PRKCI: variants seen among roughly 807,000 people sequenced by gnomAD.
PRKCI encodes protein kinase C iota.
In PRKCI, 43 loss-of-function variants were observed where a neutral mutation model predicts 84.0. That is an observed-to-expected ratio of 0.51 (90% CI 0.40 to 0.66). The LOEUF (loss-of-function observed/expected upper bound fraction) is 0.66. Among genes scored for constraint, PRKCI ranks in the 30% least tolerant of loss-of-function variants. The pLI, the probability that PRKCI is intolerant of heterozygous loss-of-function variation, is 0.00. For synonymous variants in PRKCI, 216 were observed against 234.4 expected (o/e 0.92, Z 0.72); for missense variants, 459 against 745.6 (o/e 0.62, Z 4.48).
intron 2 of PRKCI, among the ~76,000 whole-genome samples, chr3:170,236,209 C>T (rs985629458): frequency 2.0e-5 from 3 of 151,464 alleles, no homozygotes; most frequent in African/African-American, 4.9e-5. Context: ...TCAAGCAATT[C>T]TTGTGCCTCA....
rs1413637835 is a variant in PRKCI at position 170,305,514 on chromosome 3, A to G, written c.*2387A>G. 1 of 152,412 alleles carries G rather than the reference A, an allele frequency of 6.6e-6. No individual in the cohort carries two copies. Among genetic ancestry groups the G allele is most frequent in the Admixed American group, 6.5e-5 (1 of 15,272 alleles). 9.4% of individuals were successfully genotyped at this position (152,412 alleles called of 1,614,324 possible). On this transcript the variant is annotated 3_prime_UTR_variant, in exon 18 of 18. Coordinates refer to ENST00000295797, the MANE Select transcript of PRKCI (RefSeq NM_002740.6). ...TGTACAAAATGATGAGCATTTTTCT[A>G]TGATGAGGTTTTAACCATTATTCAG...
At chr3:170,225,346 T>A (rs549034234) in intron 1 of PRKCI, among the ~76,000 whole-genome samples, 1 of 152,300 alleles carries the variant, frequency 6.6e-6, no homozygotes, top group South Asian at 2.1e-4. Flanking sequence ...TATTACATAG[T>A]CAGCTGCTCA....
chr3:170,223,914 G>A (rs1162807957), intron 1 of PRKCI, among the ~76,000 whole-genome samples: 3 of 126,528 alleles, frequency 2.4e-5, no homozygotes, highest in African/African-American at 7.6e-5. Flanking sequence ...TTGATGTAAG[G>A]ACTTTTTTTT....
chr3:170,239,792 T>C (rs1211752803), intron 2 of PRKCI, among the ~76,000 whole-genome samples: 1 of 151,852 alleles, frequency 6.6e-6, no homozygotes, highest in Non-Finnish European at 1.5e-5. Flanking sequence ...GCAGAGGTCT[T>C]GTCTGTTTTG....
intron 8 of PRKCI, among the ~76,000 whole-genome samples, chr3:170,277,267 G>A (rs1364649537): frequency 1.3e-5 from 2 of 150,430 alleles, no homozygotes; most frequent in Admixed American, 1.3e-4. Context: ...AAAAAAAAAG[G>A]GCAAAGGACA....
rs199720571 is a variant in PRKCI, at chr3:170,303,407, TAAA to T, written c.*292_*294del. 1.2e-4 allele frequency: 29 copies of T among 237,246 alleles called. No individual in the cohort carries two copies. Among genetic ancestry groups the T allele is most frequent in the African/African-American group, 4.8e-4 (21 of 44,092 alleles). 14.7% of individuals were successfully genotyped at this position (237,246 alleles called of 1,614,324 possible). ...GAGTAATGAAGTTATCTTTTTTGTT[TAAA>T]AAAAAAAAAAACACTGCATTAAAAA... On this transcript the variant is annotated 3_prime_UTR_variant, in exon 18 of 18. Transcript: ENST00000295797.
chr3:170,222,567 C>A lies in PRKCI; in HGVS notation c.-103C>A, dbSNP rs1291496566. 1.8e-5 allele frequency: 19 copies of A among 1,028,380 alleles called. No individual in the cohort carries two copies. In the South Asian group the frequency reaches 3.3e-4, roughly 18 times the overall value. 63.7% of individuals were successfully genotyped at this position (1,028,380 alleles called of 1,614,324 possible). On this transcript the variant is annotated 5_prime_UTR_variant, in exon 1 of 18. Coordinates refer to ENST00000295797, the MANE Select transcript of PRKCI (RefSeq NM_002740.6). ...CGAGGTGGGCAGGTAGGTGGGCGGA[C>A]GGCCGCGGTTCTCCGGCAAGCGCAG...
At chr3:170,298,672 A>G (rs1577378440) in intron 16 of PRKCI, among the ~76,000 whole-genome samples, 1 of 151,870 alleles carries the variant, frequency 6.6e-6, no homozygotes, top group South Asian at 2.1e-4. Context: ...TCCCAAAGTG[A>G]TGGGATTACA....
chr3:170,241,421 T>C (rs889695304), intron 2 of PRKCI, among the ~76,000 whole-genome samples: 1 of 152,186 alleles, frequency 6.6e-6, no homozygotes, highest in Non-Finnish European at 1.5e-5. Context: ...TCATGTGGTG[T>C]TTGCCTTTGT....
At chr3:170,231,609 C>G (rs778151479) in intron 1 of PRKCI, among the ~76,000 whole-genome samples, 1 of 151,964 alleles carries the variant, frequency 6.6e-6, no homozygotes, top group South Asian at 2.1e-4. Context: ...GGATTACAGG[C>G]GTGCACCACC....
chr3:170,268,479 C>CA (rs77046182), intron 5 of PRKCI, among the ~76,000 whole-genome samples: 752 of 66,366 alleles, frequency 0.011, 14 homozygotes, highest in African/African-American at 0.027. Flanking sequence ...GACTCAGTTT[C>CA]AAAAAAAAAA....
intron 6 of PRKCI, among the ~76,000 whole-genome samples, chr3:170,270,786 C>T (rs1235472291): frequency 6.6e-6 from 1 of 152,074 alleles, no homozygotes; most frequent in Non-Finnish European, 1.5e-5. Flanking sequence ...ACTTCTTTAC[C>T]TGCTGTAAAA....
chr3:170,279,538 C>T (rs573404458), intron 8 of PRKCI, among the ~76,000 whole-genome samples: 1 of 152,308 alleles, frequency 6.6e-6, no homozygotes, highest in Admixed American at 6.5e-5. Flanking sequence ...AAAAGACTGT[C>T]TTCAGGCTTC....
chr3:170,289,274 G>T (rs1337706045), intron 12 of PRKCI, among the ~76,000 whole-genome samples: 2 of 152,148 alleles, frequency 1.3e-5, no homozygotes, highest in South Asian at 2.1e-4. Context: ...TCTAAAAATA[G>T]CATATAATAT....
chr3:170,300,629 T>C (rs1181758616), intron 17 of PRKCI, among the ~76,000 whole-genome samples: 1 of 150,732 alleles, frequency 6.6e-6, no homozygotes, highest in Non-Finnish European at 1.5e-5. Flanking sequence ...GAAAAATAAA[T>C]ACACAGCACC....
At chr3:170,247,834 G>A (rs1323958422) in intron 2 of PRKCI, among the ~76,000 whole-genome samples, 3 of 150,264 alleles carry the variant, frequency 2.0e-5, no homozygotes, top group African/African-American at 4.9e-5. Flanking sequence ...GAAAAAGGAA[G>A]CAACAAGCCA....
At chr3:170,255,324 T>C (rs1705588) in intron 2 of PRKCI, among the ~76,000 whole-genome samples, 38,534 of 152,008 alleles carry the variant, frequency 0.25, 5,560 homozygotes, top group African/African-American at 0.4. Flanking sequence ...CCTCCCAAAG[T>C]GCAGGGATTA....
chr3:170,287,622 C>T (rs1266247549), intron 12 of PRKCI, among the ~76,000 whole-genome samples: 1 of 151,366 alleles, frequency 6.6e-6, no homozygotes, highest in South Asian at 2.1e-4. Flanking sequence ...TTTAAACAAT[C>T]AAAATGGGCA....
chr3:170,293,812 C>T (rs927494981), intron 14 of PRKCI, among the ~76,000 whole-genome samples: 1 of 152,074 alleles, frequency 6.6e-6, no homozygotes, highest in African/African-American at 2.4e-5. Context: ...TCCCGAGTAA[C>T]TGGGATTACA....
Sources: allele counts gnomAD v4.1 joint callset (sites outside exome capture counted in the v4.1 genomes callset), GRCh38; gene constraint gnomAD v4.1.1; transcripts MANE v1.5; gene names NCBI Gene and HGNC (gene_info 2026-07-23, HGNC 2026-07-21).